DMD: variants seen among roughly 807,000 people sequenced by gnomAD.
The protein encoded by DMD is mutant dystrophin.
Under a neutral mutation model 330.1 loss-of-function variants are expected in DMD, and 63 were observed. The ratio of observed to expected loss-of-function variants is 0.19; its 90% CI spans 0.16 to 0.24. The LOEUF (loss-of-function observed/expected upper bound fraction) is 0.24. DMD is among the 10% of genes least tolerant of loss of function. DMD has a pLI of 1.00. For missense variants in DMD, 3,344 were observed against 2,684.1 expected, an observed-to-expected ratio of 1.25 and a Z score of -5.43; for synonymous variants, 1,223 against 959.8, an observed-to-expected ratio of 1.27 and a Z score of -5.07.
intron 38 of DMD, among the ~76,000 whole-genome samples, chrX:32,348,205 G>A (rs1020650918): frequency 4.5e-5 from 5 of 111,177 alleles, no homozygotes; most frequent in African/African-American, 1.6e-4. Context: ...ATTAGAAACC[G>A]TAAGTGCTCC....
chrX:32,543,589 A>G (rs2048691224), intron 17 of DMD, among the ~76,000 whole-genome samples: 1 of 112,413 alleles, frequency 8.9e-6, no homozygotes, highest in African/African-American at 3.2e-5. Flanking sequence ...TAATGTGACA[A>G]CAAACAAGTT....
intron 44 of DMD, among the ~76,000 whole-genome samples, chrX:32,027,183 C>CAGAGAG (rs1557075867): frequency 2.1e-5 from 2 of 97,502 alleles, no homozygotes; most frequent in African/African-American, 7.8e-5. Context: ...CACACACACA[C>CAGAGAG]AGAGAGAGAG....
At chrX:32,051,344 T>C (rs1423403280) in intron 44 of DMD, among the ~76,000 whole-genome samples, 1 of 110,425 alleles carries the variant, frequency 9.1e-6, no homozygotes, top group Admixed American at 9.8e-5. Flanking sequence ...AAAATGGCTC[T>C]TGGTAACTTC....
intron 44 of DMD, among the ~76,000 whole-genome samples, chrX:32,135,738 A>C (rs1334265745): frequency 8.9e-6 from 1 of 112,589 alleles, no homozygotes; most frequent in Non-Finnish European, 1.9e-5. Flanking sequence ...GTGATCCACA[A>C]AAAACAAATT....
intron 63 of DMD, among the ~76,000 whole-genome samples, chrX:31,240,911 G>A (rs191710109): frequency 9.0e-6 from 1 of 110,596 alleles, no homozygotes; most frequent in African/African-American, 3.3e-5. Context: ...CAATAAGCTT[G>A]GTCTAGTAAC....
intron 33 of DMD, 86 bp from the exon 34 acceptor site, chrX:32,380,766 C>A: frequency 1.3e-6 from 1 of 748,987 alleles, no homozygotes; most frequent in African/African-American, 2.1e-5. Context: ...TTTTATATTT[C>A]TGTTATTTAA....
At chrX:31,491,928 T>C (rs2069342132) in intron 57 of DMD, among the ~76,000 whole-genome samples, 1 of 112,437 alleles carries the variant, frequency 8.9e-6, no homozygotes, top group Non-Finnish European at 1.9e-5. Flanking sequence ...AAAATGAAAG[T>C]GAAAATGAAC....
Position 32,738,134 on chromosome X carries a change from C to T in DMD, c.650-38841G>A, listed in dbSNP as rs1175261601. Among the ~76,000 whole-genome samples, 11 of 111,609 alleles carry T rather than the reference C, an allele frequency of 9.9e-5. No individual in the cohort carries two copies. The Admixed American group carries it at 1.0e-3, about 11-fold the overall frequency. On this transcript the variant is annotated intron_variant, in intron 7 of 78. Transcript: ENST00000357033. Reference sequence around the variant, plus strand: ...TGAATAAACCTGATTAAGCCAAAATCACAGAGGGTTACCAGTGACTTGGTT... The same window carrying T: ...TGAATAAACCTGATTAAGCCAAAATTACAGAGGGTTACCAGTGACTTGGTT...
At chrX:31,990,371 T>C (rs1313795087) in intron 44 of DMD, among the ~76,000 whole-genome samples, 1 of 112,056 alleles carries the variant, frequency 8.9e-6, no homozygotes, top group Non-Finnish European at 1.9e-5. Flanking sequence ...AGTATGTCTG[T>C]TTTTATCCAC....
intron 44 of DMD, among the ~76,000 whole-genome samples, chrX:32,087,150 A>G (rs2096445215): frequency 8.9e-6 from 1 of 112,013 alleles, no homozygotes; most frequent in Non-Finnish European, 1.9e-5. Flanking sequence ...GCATGAAAAA[A>G]TTATCATGAG....
At chrX:31,513,054 C>G (rs1228475039) in intron 55 of DMD, among the ~76,000 whole-genome samples, 5 of 101,249 alleles carry the variant, frequency 4.9e-5, no homozygotes, top group African/African-American at 1.5e-4. Context: ...CCTTCACATC[C>G]CTTGTAAGTT....
At chrX:32,672,007 T>C (rs1347015296) in intron 9 of DMD, among the ~76,000 whole-genome samples, 1 of 111,593 alleles carries the variant, frequency 9.0e-6, no homozygotes, top group African/African-American at 3.2e-5. Flanking sequence ...TATGATGATA[T>C]TGGAAATAAG....
intron 2 of DMD, among the ~76,000 whole-genome samples, chrX:33,005,714 G>A: frequency 9.0e-6 from 1 of 110,697 alleles, no homozygotes. Flanking sequence ...AGACAAAAAT[G>A]TCTCTCTTAC....
intron 7 of DMD, among the ~76,000 whole-genome samples, chrX:32,801,068 G>C (rs752078340): frequency 9.0e-6 from 1 of 111,237 alleles, no homozygotes; most frequent in African/African-American, 3.3e-5. Context: ...TGGTCAAATG[G>C]TATTTCTGGC....
chrX:32,736,064 T>A (rs1349965770), intron 7 of DMD, among the ~76,000 whole-genome samples: 1 of 110,760 alleles, frequency 9.0e-6, no homozygotes, highest in South Asian at 3.8e-4. Flanking sequence ...TCAAACAAAT[T>A]TACAAGAAAA....
At chrX:32,963,982 C>T (rs1264303481) in intron 2 of DMD, among the ~76,000 whole-genome samples, 3 of 110,908 alleles carry the variant, frequency 2.7e-5, no homozygotes, top group Middle Eastern at 4.7e-3. Flanking sequence ...TGGTCGGGTG[C>T]GGTGGCTCAC....
intron 2 of DMD, among the ~76,000 whole-genome samples, chrX:33,007,491 C>T (rs911682626): frequency 9.0e-6 from 1 of 111,603 alleles, no homozygotes; most frequent in Middle Eastern, 4.3e-3. Context: ...TATCCCTATT[C>T]TACCCTTATC....
intron 2 of DMD, among the ~76,000 whole-genome samples, chrX:33,003,665 T>A (rs747896566): frequency 1.1e-3 from 125 of 111,047 alleles, no homozygotes; most frequent in Non-Finnish European, 2.1e-3. Flanking sequence ...ATAGGTTTGT[T>A]CTTTAGCAGA....
intron 43 of DMD, among the ~76,000 whole-genome samples, chrX:32,260,585 T>C (rs2097317758): frequency 1.8e-5 from 2 of 111,622 alleles, no homozygotes; most frequent in Non-Finnish European, 1.9e-5. Context: ...GAATCTAGAA[T>C]TGAGAAAGGT....
Sources: gnomAD v4.1 joint callset for allele counts (sites outside exome capture counted in the v4.1 genomes callset) on GRCh38, gnomAD v4.1.1 for gene constraint, MANE v1.5 for transcripts, NCBI Gene and HGNC (gene_info 2026-07-23, HGNC 2026-07-21) for gene names.